ALG1: variants seen among roughly 807,000 people sequenced by gnomAD.
ALG1 encodes the protein chitobiosyldiphosphodolichol beta-mannosyltransferase.
Under a neutral mutation model 55.1 loss-of-function variants are expected in ALG1, and 58 were observed. That is an observed-to-expected ratio of 1.05 (90% CI 0.85 to 1.31). The LOEUF (loss-of-function observed/expected upper bound fraction) is 1.31. Ranked by LOEUF, ALG1 falls within the 50% of genes most tolerant of loss-of-function variation. The pLI is 0.00. For synonymous variants in ALG1, 309 were observed against 247.0 expected (o/e 1.25, Z -2.35); for missense variants, 761 against 598.6 (o/e 1.27, Z -2.83).
intron 10 of ALG1, among the ~76,000 whole-genome samples, chr16:5,081,335 G>A (rs1957015230): frequency 6.6e-6 from 1 of 152,210 alleles, no homozygotes; most frequent in Non-Finnish European, 1.5e-5. Flanking sequence ...CTGGGGTTGG[G>A]GCCACTGTTG....
At chr16:5,076,689 A>G (rs1956920958) in intron 4 of ALG1, among the ~76,000 whole-genome samples, 1 of 152,114 alleles carries the variant, frequency 6.6e-6, no homozygotes, top group Non-Finnish European at 1.5e-5. Flanking sequence ...ATGCTCACTG[A>G]ATCCCTTTGC....
chr16:5,084,233 C>CT (rs1336925584), intron 12 of ALG1: 2 of 289,992 alleles, frequency 6.9e-6, no homozygotes, highest in African/African-American at 2.2e-5. Context: ...TCCCCAGTCT[C>CT]TGTCAGAACC....
intron 12 of ALG1, among the ~76,000 whole-genome samples, chr16:5,084,138 C>G (rs2142729756): frequency 6.6e-6 from 1 of 152,208 alleles, no homozygotes; most frequent in East Asian, 1.9e-4. Flanking sequence ...TTTCTTATTG[C>G]AAAAAGTAAT....
chr16:5,085,406 G>C lies in ALG1; in HGVS notation c.*525G>C. 1 of 566,568 alleles carries C rather than the reference G, an allele frequency of 1.8e-6. No homozygotes were observed. Among genetic ancestry groups the C allele is most frequent in the Non-Finnish European group, 3.2e-6 (1 of 307,696 alleles). The allele number at this position is 566,568 out of a possible 1,614,324, so 35.1% of individuals were successfully genotyped here. A position where few individuals can be genotyped will look rare whatever the true frequency, so the allele number is the denominator to read the frequency against. On this transcript the variant is annotated 3_prime_UTR_variant, in exon 13 of 13. Coordinates refer to ENST00000262374, the MANE Select transcript of ALG1 (RefSeq NM_019109.5). ...TTTTGGAGCCAGAATTTTCATGTCT[G>C]ATTTATGGTGATTTTCTTAAGAACC...
In ALG1 at chr16:5,085,494, G is replaced by T. The variant is rs1213526584; in HGVS notation, c.*613G>T. On this transcript the variant is annotated 3_prime_UTR_variant, in exon 13 of 13. Transcript: ENST00000262374. ...ATAGCCGATGTCTTATTAGAGGGCA[G>T]TTTGTGGTTCCTGATTTGGAAATTA... 6.6e-6 allele frequency: 5 copies of T among 752,278 alleles called. No homozygotes were observed. The highest frequency in any genetic ancestry group is 1.7e-5 in the African/African-American group (1 of 58,548). The allele number at this position is 752,278 out of a possible 1,614,324, so 46.6% of individuals were successfully genotyped here. A position where few individuals can be genotyped will look rare whatever the true frequency, so the allele number is the denominator to read the frequency against.
chr16:5,075,844 C>T (rs1345682461), intron 4 of ALG1, among the ~76,000 whole-genome samples: 1 of 152,242 alleles, frequency 6.6e-6, no homozygotes, highest in African/African-American at 2.4e-5. Context: ...CGGAACTCTC[C>T]TAGCTCTTGT....
chr16:5,073,147 T>G lies in ALG1; in HGVS notation c.287-6T>G. Reference sequence around the variant, plus strand: ...TTGGTAGTCACAGGTGTTTTCTGACTTGCAGTTGGGCCCCGAGTTTTCCAG... The same window carrying G: ...TTGGTAGTCACAGGTGTTTTCTGACGTGCAGTTGGGCCCCGAGTTTTCCAG... On this transcript the variant is annotated splice_region_variant and splice_polypyrimidine_tract_variant and intron_variant, in intron 2 of 12. Coordinates refer to ENST00000262374, the MANE Select transcript of ALG1 (RefSeq NM_019109.5). The G allele has an allele frequency of 6.2e-7, 1 of 1,614,146 alleles. No individual in the cohort carries two copies. Among genetic ancestry groups the G allele is most frequent in the African/African-American group, 1.3e-5 (1 of 75,048 alleles).
Position 5,086,545 on chromosome 16 carries a change from T to C in ALG1, c.*1664T>C. 6.6e-6 allele frequency: 1 copy of C among 150,434 alleles called. No homozygotes were observed. 9.3% of individuals were successfully genotyped at this position (150,434 alleles called of 1,614,324 possible). A position where few individuals can be genotyped will look rare whatever the true frequency, so the allele number is the denominator to read the frequency against. The stretch of plus-strand genomic sequence containing the variant: ...CTCACTACAGCCTCGACTCCTGGGC[T>C]CTAGCAATCCTCCCACTTCCTGAGT... On this transcript the variant is annotated 3_prime_UTR_variant, in exon 13 of 13. Transcript: ENST00000262374.
At position 5,082,589 on chromosome 16, in the gene ALG1, C is replaced by T. The variant is rs762385611; in HGVS notation, c.1103C>T (p.Thr368Met). 16 of 1,612,030 alleles carry T rather than the reference C, an allele frequency of 9.9e-6. No individual in the cohort carries two copies. The highest frequency in any genetic ancestry group is 2.2e-5 in the East Asian group (1 of 44,888). ...GCGGACCTGGGTGTCTGTCTGCACA[C>T]GTCCTCCAGTGGCCTGGACCTGCCC... ...GSADLGVCLHTSSSGLDLPMK... is the reference protein window; with the variant it reads ...GSADLGVCLHMSSSGLDLPMK... Residue 368 changes from threonine to methionine, a missense_variant, in exon 11 of 13, where the codon ACG becomes ATG. By Grantham distance (81) the Thr-to-Met change is moderately conservative. Transcript: ENST00000262374.
rs114470989 is a variant in ALG1 at position 5,084,551 on chromosome 16, C to T, written c.1264-199C>T. 3.6e-3 allele frequency: 3,068 copies of T among 850,854 alleles called. 66 individuals carry two copies. The African/African-American group carries it at 0.046, about 13-fold the overall frequency. 52.7% of individuals were successfully genotyped at this position (850,854 alleles called of 1,614,324 possible). Reference sequence around the variant, plus strand: ...ACCAAGTGTGGGAAAGTGGGACATGCGGGGAAGTTTCCAGAAACTGTGATG... The same window carrying T: ...ACCAAGTGTGGGAAAGTGGGACATGTGGGGAAGTTTCCAGAAACTGTGATG... On this transcript the variant is annotated intron_variant, in intron 12 of 12. Transcript: ENST00000262374.
Position 5,073,195 on chromosome 16 carries a change from A to G in ALG1, c.329A>G (p.Gln110Arg). The G allele has an allele frequency of 1.2e-6, 2 of 1,614,202 alleles. No homozygotes were observed. Among genetic ancestry groups the G allele is most frequent in the Non-Finnish European group, 1.7e-6 (2 of 1,180,030 alleles). Reference protein sequence around the residue: ...VFQYGVKVVLQAMYLLWKLMW... With the variant: ...VFQYGVKVVLRAMYLLWKLMW... Reference sequence around the variant, plus strand: ...CAGTACGGAGTCAAAGTTGTACTTCAGGCTATGTACTTGCTGTGGAAGTTG... The same window carrying G: ...CAGTACGGAGTCAAAGTTGTACTTCGGGCTATGTACTTGCTGTGGAAGTTG... The change falls in exon 3 of 13, where the codon CAG becomes CGG. Residue 110 changes from glutamine to arginine, a missense_variant. By Grantham distance (43) the Gln-to-Arg change is conservative. Transcript: ENST00000262374.
rs1957148072 is a variant in ALG1, at chr16:5,085,931, A to G, written c.*1050A>G. The stretch of plus-strand genomic sequence containing the variant: ...ACCAGAAAGCTGGTTTTGCATAGAA[A>G]TGGCTAGCAGCAGGCACCGTGCCGC... On this transcript the variant is annotated 3_prime_UTR_variant, in exon 13 of 13. Coordinates refer to ENST00000262374, the MANE Select transcript of ALG1 (RefSeq NM_019109.5). Among the ~76,000 whole-genome samples, 1 of 152,204 alleles carries G rather than the reference A, an allele frequency of 6.6e-6. No individual in the cohort carries two copies. The highest frequency in any genetic ancestry group is 1.5e-5 in the Non-Finnish European group (1 of 68,036).
intron 1 of ALG1, 41 bp downstream of exon 1, chr16:5,072,098 C>T: frequency 1.3e-6 from 2 of 1,551,772 alleles, no homozygotes; most frequent in Non-Finnish European, 1.7e-6. Flanking sequence ...GCTCTCTCAG[C>T]CGTTGATCCT....
chr16:5,079,959 C>A, intron 9 of ALG1, 152 bp downstream of exon 9: 1 of 1,068,154 alleles, frequency 9.4e-7, no homozygotes, highest in Non-Finnish European at 1.4e-6. Flanking sequence ...ATGGGGGAAA[C>A]TGAGGCTCAG....
Position 5,071,860 on chromosome 16 carries a change from C to G in ALG1, c.11C>G (p.Ser4Ter). MAA[S>*]CLVLLALCLL... The stretch of plus-strand genomic sequence containing the variant: ...TGCGGGCCAGCCAAGATGGCGGCCT[C>G]ATGCTTGGTCCTGCTGGCGCTGTGT... The change falls in exon 1 of 13, where the codon TCA (serine) becomes TGA (stop). Residue 4 changes from serine to a stop codon, truncating the protein, a stop_gained. Coordinates refer to ENST00000262374, the MANE Select transcript of ALG1 (RefSeq NM_019109.5). LOFTEE classifies it high-confidence loss of function. 2.5e-6 allele frequency: 4 copies of G among 1,604,910 alleles called. No individual in the cohort carries two copies. Among genetic ancestry groups the G allele is most frequent in the Non-Finnish European group, 3.4e-6 (4 of 1,178,776 alleles).
In ALG1 at chr16:5,073,198, C is replaced by T. The variant is rs771656416; in HGVS notation, c.332C>T (p.Ala111Val). Residue 111 changes from alanine (A) to valine (V), a missense_variant, in exon 3 of 13, where the codon GCT (alanine) becomes GTT (valine). Ala to Val is a moderately conservative substitution (Grantham distance 64). Transcript: ENST00000262374. ...TACGGAGTCAAAGTTGTACTTCAGG[C>T]TATGTACTTGCTGTGGAAGTTGATG... ...FQYGVKVVLQAMYLLWKLMWR... is the reference protein window; with the variant it reads ...FQYGVKVVLQVMYLLWKLMWR... 1.2e-6 allele frequency: 2 copies of T among 1,614,178 alleles called. No homozygotes were observed. The highest frequency in any genetic ancestry group is 4.5e-5 in the East Asian group (2 of 44,880).
chr16:5,075,257 T>C, intron 3 of ALG1, 131 bp from the exon 4 acceptor site: 1 of 1,050,188 alleles, frequency 9.5e-7, no homozygotes, highest in Non-Finnish European at 1.5e-6. Context: ...GAGAGGGTCT[T>C]TCTTCTGCTT....
rs1390898974 is a variant in ALG1 at position 5,077,980 on chromosome 16, A to C, written c.703A>C (p.Met235Leu). ...TCTGGACCTGCAGCACCGGCTCTTCATGAAGCTGGGCAGCATGCACTCTCC... is the reference window on the plus strand; with the variant it reads ...TCTGGACCTGCAGCACCGGCTCTTCCTGAAGCTGGGCAGCATGCACTCTCC... ...TPLDLQHRLF[M>L]KLGSMHSPFR... Residue 235 changes from methionine (M) to leucine (L), a missense_variant, in exon 6 of 13, where the codon ATG becomes CTG. By Grantham distance (15) the Met-to-Leu change is conservative. Transcript: ENST00000262374. 1 of 1,602,652 alleles carries C rather than the reference A, an allele frequency of 6.2e-7. No homozygotes were observed. The highest frequency in any genetic ancestry group is 1.1e-5 in the South Asian group (1 of 90,994).
At chr16:5,078,597 C>T in intron 6 of ALG1, 160 bp from the exon 7 acceptor site, 2 of 1,269,412 alleles carry the variant, frequency 1.6e-6, no homozygotes, top group Non-Finnish European at 2.3e-6. Context: ...TTAGAGAAAG[C>T]AAGCCCAGGC....
Sources: gnomAD v4.1 joint callset for allele counts (sites outside exome capture counted in the v4.1 genomes callset) on GRCh38, gnomAD v4.1.1 for gene constraint, MANE v1.5 for transcripts, NCBI Gene and HGNC (gene_info 2026-07-23, HGNC 2026-07-21) for gene names.